Variants in NSUN3 observed in about 807,000 individuals in gnomAD.
The protein encoded by NSUN3 is NOP2/Sun RNA methyltransferase 3, also known as tRNA (cytosine(34)-C(5))-methyltransferase, mitochondrial.
In NSUN3, 24 loss-of-function variants were observed where a neutral mutation model predicts 36.8. The observed-to-expected ratio is 0.65, with a 90% CI of 0.47 to 0.92. NSUN3 has a LOEUF of 0.92. NSUN3 is among the 40% of genes least tolerant of loss of function. NSUN3 has a pLI of 0.00. For synonymous variants in NSUN3, 146 were observed against 145.2 expected (o/e 1.01, Z -0.04); for missense variants, 381 against 392.8 (o/e 0.97, Z 0.25).
chr3:94,092,124 C>A (rs2077317593), intron 3 of NSUN3, among the ~76,000 whole-genome samples: 2 of 152,160 alleles, frequency 1.3e-5, no homozygotes, highest in Non-Finnish European at 2.9e-5. Flanking sequence ...GTCAGGTACA[C>A]AACCCCAAAG....
intron 2 of NSUN3, among the ~76,000 whole-genome samples, chr3:94,066,188 G>A (rs2077203688): frequency 6.6e-6 from 1 of 151,388 alleles, no homozygotes; most frequent in African/African-American, 2.4e-5. Context: ...ATTTGACCCT[G>A]AGCAAAATGA....
chr3:94,107,158 T>C (rs1447444915), intron 5 of NSUN3, among the ~76,000 whole-genome samples: 1 of 152,032 alleles, frequency 6.6e-6, no homozygotes, highest in Non-Finnish European at 1.5e-5. Context: ...CTCAAACTCC[T>C]GGGCTCAAGC....
At chr3:94,108,270 T>A (rs1439297509) in intron 5 of NSUN3, among the ~76,000 whole-genome samples, 1 of 152,230 alleles carries the variant, frequency 6.6e-6, no homozygotes, top group Non-Finnish European at 1.5e-5. Flanking sequence ...TTTTTGTTAG[T>A]TTCAATTAAA....
In NSUN3 at chr3:94,130,173, G is replaced by T. The variant is rs140629192; in HGVS notation, c.*3683G>T. ...TAGTTTGCCAAGGCTACACTGGTAA[G>T]TAAAGGGTTCAGCCAATGTATAGAC... On this transcript the variant is annotated 3_prime_UTR_variant, in exon 6 of 6. Coordinates refer to ENST00000314622, the MANE Select transcript of NSUN3 (RefSeq NM_022072.5). Among the ~76,000 whole-genome samples, 248 of 152,316 alleles carry T rather than the reference G, an allele frequency of 1.6e-3. 2 individuals carry two copies. Among genetic ancestry groups the T allele is most frequent in the African/African-American group, 5.7e-3 (237 of 41,568 alleles).
intron 2 of NSUN3, among the ~76,000 whole-genome samples, chr3:94,083,312 T>G (rs9917844): frequency 7.1e-4 from 108 of 152,272 alleles, no homozygotes; most frequent in African/African-American, 2.4e-3. Context: ...AAGGAAAGAA[T>G]GCCACAACAG....
intron 5 of NSUN3, among the ~76,000 whole-genome samples, chr3:94,110,996 A>C (rs932534349): frequency 6.6e-6 from 1 of 152,244 alleles, no homozygotes; most frequent in African/African-American, 2.4e-5. Flanking sequence ...AACCTTGGGA[A>C]GCCATCATAG....
chr3:94,126,714 G>GT lies in NSUN3; in HGVS notation c.*226dup, dbSNP rs1347396338. 4.5e-6 allele frequency: 2 copies of GT among 446,528 alleles called. No individual in the cohort carries two copies. Among genetic ancestry groups the GT allele is most frequent in the Non-Finnish European group, 7.9e-6 (2 of 252,552 alleles). The allele number at this position is 446,528 out of a possible 1,614,324, so 27.7% of individuals were successfully genotyped here. A position where few individuals can be genotyped will look rare whatever the true frequency, so the allele number is the denominator to read the frequency against. On this transcript the variant is annotated 3_prime_UTR_variant, in exon 6 of 6. Transcript: ENST00000314622. ...ATTTAAGGTGGTGCAGATGGTGTTT[G>GT]TTCTATATTATAAATCTGCTGTCTT...
At chr3:94,112,043 A>G (rs1434644683) in intron 5 of NSUN3, among the ~76,000 whole-genome samples, 2 of 152,138 alleles carry the variant, frequency 1.3e-5, no homozygotes, top group South Asian at 4.1e-4. Flanking sequence ...GGAAGAGTCA[A>G]CATCGCAGGT....
intron 3 of NSUN3, among the ~76,000 whole-genome samples, chr3:94,091,615 A>G (rs1186399793): frequency 6.6e-6 from 1 of 152,226 alleles, no homozygotes; most frequent in Non-Finnish European, 1.5e-5. Flanking sequence ...ATCTTTTAGG[A>G]AAGTTGGTGA....
At chr3:94,088,649 C>T (rs1171324540) in intron 3 of NSUN3, among the ~76,000 whole-genome samples, 2 of 150,736 alleles carry the variant, frequency 1.3e-5, no homozygotes, top group Non-Finnish European at 2.9e-5. Flanking sequence ...CCGTTAGTGT[C>T]CTGGAGCATA....
intron 5 of NSUN3, among the ~76,000 whole-genome samples, chr3:94,119,214 A>G (rs1040259898): frequency 2.0e-5 from 3 of 152,224 alleles, no homozygotes; most frequent in African/African-American, 7.2e-5. Flanking sequence ...TGTAAAATAC[A>G]TCTTTTAATT....
chr3:94,076,167 G>T, intron 2 of NSUN3: 2 of 1,128,832 alleles, frequency 1.8e-6, no homozygotes, highest in East Asian at 2.3e-5. Flanking sequence ...TTCAGTCTGC[G>T]ATCAGTACCA....
Position 94,101,302 on chromosome 3 carries a change from AT to A in NSUN3, c.743+6158del, listed in dbSNP as rs1014186200. Among the ~76,000 whole-genome samples the A allele has an allele frequency of 7.6e-4, 114 of 150,870 alleles. 4 individuals are homozygous for A. The highest frequency in any genetic ancestry group is 4.3e-4 in the Non-Finnish European group (29 of 67,590). Reference sequence around the variant, plus strand: ...CCACTGTGCCCAGCACTGATGTTAAATTTTTTTTTTAAACTGTTAGTAGATA... The same window carrying A: ...CCACTGTGCCCAGCACTGATGTTAAATTTTTTTTTAAACTGTTAGTAGATA... On this transcript the variant is annotated intron_variant, in intron 5 of 5. Transcript: ENST00000314622.
rs1262155681 is a variant in NSUN3 at position 94,131,717 on chromosome 3, A to C, written c.*5227A>C. Among the ~76,000 whole-genome samples the C allele has an allele frequency of 1.3e-5, 2 of 152,238 alleles. No individual in the cohort carries two copies. Among genetic ancestry groups the C allele is most frequent in the East Asian group, 3.8e-4 (2 of 5,200 alleles). On this transcript the variant is annotated 3_prime_UTR_variant, in exon 6 of 6. Coordinates refer to ENST00000314622, the MANE Select transcript of NSUN3 (RefSeq NM_022072.5). ...CTTTCTGTGACACTGAGTTACTTTCAAAATAGCTTTATAAAAATTTAGGTT... is the reference window on the plus strand; with the variant it reads ...CTTTCTGTGACACTGAGTTACTTTCCAAATAGCTTTATAAAAATTTAGGTT...
At chr3:94,090,893 G>A (rs1463493180) in intron 3 of NSUN3, among the ~76,000 whole-genome samples, 1 of 152,082 alleles carries the variant, frequency 6.6e-6, no homozygotes, top group Non-Finnish European at 1.5e-5. Flanking sequence ...TCTAATAGAA[G>A]ATTCACTTAC....
At chr3:94,103,040 C>T (rs1214900112) in intron 5 of NSUN3, among the ~76,000 whole-genome samples, 2 of 152,050 alleles carry the variant, frequency 1.3e-5, no homozygotes, top group East Asian at 3.9e-4. Flanking sequence ...GTGTCTGCCA[C>T]CATACCTGGC....
chr3:94,116,220 G>T (rs1205286739), intron 5 of NSUN3, among the ~76,000 whole-genome samples: 4 of 152,070 alleles, frequency 2.6e-5, no homozygotes, highest in African/African-American at 9.7e-5. Context: ...TTCTCACCTT[G>T]TTTTAAGCCA....
chr3:94,108,118 A>T (rs2077398473), intron 5 of NSUN3, among the ~76,000 whole-genome samples: 1 of 151,698 alleles, frequency 6.6e-6, no homozygotes, highest in South Asian at 2.1e-4. Context: ...TTTTAAACTT[A>T]GAAAAAAATG....
intron 5 of NSUN3, among the ~76,000 whole-genome samples, chr3:94,101,302 A>AT (rs1014186200): frequency 1.1e-4 from 17 of 150,870 alleles, no homozygotes; most frequent in East Asian, 9.7e-4. Flanking sequence ...CTGATGTTAA[A>AT]TTTTTTTTTT....
Sources: allele counts gnomAD v4.1 joint callset (sites outside exome capture counted in the v4.1 genomes callset), GRCh38; gene constraint gnomAD v4.1.1; transcripts MANE v1.5; gene names NCBI Gene and HGNC (gene_info 2026-07-23, HGNC 2026-07-21).